Variants in ARNT2 observed in about 807,000 individuals in gnomAD.
The protein encoded by ARNT2 is ARNT protein 2.
ARNT2 carries 36 observed loss-of-function variants against 91.7 expected under a neutral mutation model. The observed-to-expected ratio is 0.39, with a 90% CI of 0.30 to 0.52. The LOEUF is 0.52. Ranked by LOEUF, ARNT2 falls within the 20% of genes least tolerant of loss-of-function variation. The probability of loss-of-function intolerance (pLI) is 0.72; values close to 1 mark genes in which losing one functional copy is unlikely to be tolerated. For synonymous variants in ARNT2, 365 were observed against 347.1 expected (o/e 1.05, Z -0.57); for missense variants, 775 against 939.3 (o/e 0.83, Z 2.29).
chr15:80,576,205 A>C (rs558415340), intron 14 of ARNT2, among the ~76,000 whole-genome samples: 1 of 152,256 alleles, frequency 6.6e-6, no homozygotes, highest in African/African-American at 2.4e-5. Context: ...CTCACCCAGA[A>C]CTAGAGGACT....
intron 11 of ARNT2, among the ~76,000 whole-genome samples, chr15:80,558,924 T>TG (rs947296445): frequency 4.6e-5 from 7 of 152,222 alleles, no homozygotes; most frequent in African/African-American, 1.7e-4. Flanking sequence ...TTAACAGTGG[T>TG]GGGGGCCTCC....
intron 5 of ARNT2, among the ~76,000 whole-genome samples, chr15:80,484,715 G>A (rs898925754): frequency 1.3e-5 from 2 of 152,210 alleles, no homozygotes. Context: ...GAGTCAGAGT[G>A]GTGCTTTTGC....
intron 5 of ARNT2, among the ~76,000 whole-genome samples, chr15:80,495,095 CT>C (rs113264695): frequency 5.9e-5 from 9 of 151,942 alleles, no homozygotes; most frequent in Admixed American, 5.2e-4. Context: ...CCCTGTAAGC[CT>C]TTTTTTTGTC....
At chr15:80,519,684 CTT>C (rs1172255165) in intron 8 of ARNT2, among the ~76,000 whole-genome samples, 12 of 121,242 alleles carry the variant, frequency 9.9e-5, no homozygotes, top group Middle Eastern at 4.5e-3. Flanking sequence ...AGGTATGTAG[CTT>C]TTTTTTTTTT....
At chr15:80,568,940 A>G (rs1005258060) in intron 12 of ARNT2, among the ~76,000 whole-genome samples, 8 of 152,284 alleles carry the variant, frequency 5.3e-5, no homozygotes, top group East Asian at 1.9e-4. Context: ...ACACACGCGC[A>G]CACACACGCG....
At chr15:80,533,454 C>A (rs1897773153) in intron 8 of ARNT2, among the ~76,000 whole-genome samples, 1 of 152,084 alleles carries the variant, frequency 6.6e-6, no homozygotes, top group African/African-American at 2.4e-5. Flanking sequence ...GTGCCCCAGG[C>A]AGAAATATGG....
Position 80,555,221 on chromosome 15 carries a change from A to G in ARNT2, c.1164+82A>G, listed in dbSNP as rs556873780. On this transcript the variant is annotated intron_variant, in intron 11 of 18. Coordinates refer to ENST00000303329, the MANE Select transcript of ARNT2 (RefSeq NM_014862.4). The stretch of plus-strand genomic sequence containing the variant: ...TGGCTGGCAGGACATTAGTCCTACT[A>G]TGTGCCAGGCAGGCTGCAAGGTCCT... 1.7e-4 allele frequency: 257 copies of G among 1,472,966 alleles called. 1 individual carries two copies. The highest frequency in any genetic ancestry group is 2.3e-4 in the Non-Finnish European group (244 of 1,057,866). 91.2% of individuals were successfully genotyped at this position (1,472,966 alleles called of 1,614,324 possible). A position where few individuals can be genotyped will look rare whatever the true frequency, so the allele number is the denominator to read the frequency against.
chr15:80,539,959 C>T (rs1428271845), intron 8 of ARNT2, among the ~76,000 whole-genome samples: 1 of 151,818 alleles, frequency 6.6e-6, no homozygotes, highest in Non-Finnish European at 1.5e-5. Flanking sequence ...TTGGTACAAC[C>T]ACTAAGGAGA....
chr15:80,484,034 G>A (rs1296849628), intron 5 of ARNT2, among the ~76,000 whole-genome samples: 1 of 152,192 alleles, frequency 6.6e-6, no homozygotes, highest in Admixed American at 6.5e-5. Context: ...AGTCATGAAG[G>A]TAACTTCATA....
intron 5 of ARNT2, 80 bp downstream of exon 5, chr15:80,475,303 C>T (rs1896785540): frequency 5.5e-6 from 8 of 1,466,518 alleles, no homozygotes; most frequent in Non-Finnish European, 7.5e-6. Flanking sequence ...GCCTGTAATC[C>T]CAGTACTTTG....
At chr15:80,531,569 A>C (rs1017968334) in intron 8 of ARNT2, among the ~76,000 whole-genome samples, 3 of 152,234 alleles carry the variant, frequency 2.0e-5, no homozygotes, top group African/African-American at 7.2e-5. Context: ...TGGTCCTGGC[A>C]TCCAGCCTTG....
chr15:80,419,891 G>T (rs1895837553), intron 1 of ARNT2, among the ~76,000 whole-genome samples: 1 of 152,194 alleles, frequency 6.6e-6, no homozygotes, highest in African/African-American at 2.4e-5. Flanking sequence ...GGAACGCAGT[G>T]TAAGGCTCTC....
At chr15:80,481,180 A>G (rs1896881601) in intron 5 of ARNT2, among the ~76,000 whole-genome samples, 1 of 152,184 alleles carries the variant, frequency 6.6e-6, no homozygotes, top group Non-Finnish European at 1.5e-5. Flanking sequence ...ATCCAGAGAT[A>G]TTTTCAGCCT....
intron 8 of ARNT2, among the ~76,000 whole-genome samples, chr15:80,538,274 G>T (rs1897854719): frequency 6.6e-6 from 1 of 151,998 alleles, no homozygotes; most frequent in African/African-American, 2.4e-5. Context: ...GGATTTAGAG[G>T]ATTATATAAT....
At chr15:80,576,315 C>T (rs1452577527) in intron 14 of ARNT2, among the ~76,000 whole-genome samples, 5 of 151,764 alleles carry the variant, frequency 3.3e-5, no homozygotes, top group East Asian at 3.9e-4. Context: ...CTTGCTCTGT[C>T]GCCCAGGCTG....
chr15:80,544,002 A>C (rs949907066), intron 8 of ARNT2, among the ~76,000 whole-genome samples: 3 of 152,058 alleles, frequency 2.0e-5, no homozygotes, highest in African/African-American at 4.8e-5. Flanking sequence ...CAGCCTCCCA[A>C]AGTGCTGGGA....
chr15:80,490,332 TC>T (rs769844330), intron 5 of ARNT2, among the ~76,000 whole-genome samples: 1 of 152,132 alleles, frequency 6.6e-6, no homozygotes, highest in Non-Finnish European at 1.5e-5. Context: ...TGGGTGTAAC[TC>T]CTAGATAACT....
Position 80,470,242 on chromosome 15 carries a change from G to A in ARNT2, c.219G>A (p.Arg73=), listed in dbSNP as rs2141394533. Residue 73 remains arginine, a synonymous_variant, in exon 4 of 19, where the codon AGG becomes AGA. Coordinates refer to ENST00000303329, the MANE Select transcript of ARNT2 (RefSeq NM_014862.4). ...GAGAGAATCATAGTGAAATCGAAAGGCGCAGACGGAACAAGATGACTCAGT... is the reference window on the plus strand; with the variant it reads ...GAGAGAATCATAGTGAAATCGAAAGACGCAGACGGAACAAGATGACTCAGT... ...FSRENHSEIE[R]RRRNKMTQYI... 1.9e-6 allele frequency: 3 copies of A among 1,614,120 alleles called. No homozygotes were observed. Among genetic ancestry groups the A allele is most frequent in the East Asian group, 4.5e-5 (2 of 44,882 alleles).
chr15:80,570,200 G>A (rs1898560725), intron 12 of ARNT2, among the ~76,000 whole-genome samples: 1 of 152,206 alleles, frequency 6.6e-6, no homozygotes, highest in Admixed American at 6.5e-5. Context: ...TCACCCGGAT[G>A]TACCCTTTAC....
Sources: gnomAD v4.1 joint callset for allele counts (sites outside exome capture counted in the v4.1 genomes callset) on GRCh38, gnomAD v4.1.1 for gene constraint, MANE v1.5 for transcripts, NCBI Gene and HGNC (gene_info 2026-07-23, HGNC 2026-07-21) for gene names.